KALRN: variants seen among roughly 807,000 people sequenced by gnomAD.
KALRN encodes the protein kalirin.
Under a neutral mutation model 353.7 loss-of-function variants are expected in KALRN, and 70 were observed. The ratio of observed to expected loss-of-function variants is 0.20; its 90% CI spans 0.16 to 0.24. The LOEUF (loss-of-function observed/expected upper bound fraction) is 0.24. KALRN is among the 10% of genes least tolerant of loss of function. The pLI is 1.00. For missense variants in KALRN, 2,791 were observed against 3,756.7 expected (o/e 0.74, Z 6.72); for synonymous variants, 1,391 against 1,434.8 (o/e 0.97, Z 0.69).
In KALRN at chr3:124,070,507, A is replaced by C. The variant is rs1227135856; in HGVS notation, c.73+36694A>C. Among the ~76,000 whole-genome samples the C allele has an allele frequency of 4.6e-5, 7 of 152,072 alleles. 1 individual carries two copies. The highest frequency in any genetic ancestry group is 1.7e-4 in the African/African-American group (7 of 41,400). On this transcript the variant is annotated intron_variant, in intron 1 of 59. Coordinates refer to ENST00000682506, the MANE Select transcript of KALRN (RefSeq NM_001388419.1). ...ATGTCCCACTACCTGTGGGGAAGAG[A>C]TCTTCTATGACATCACCCTGTTTCC...
At chr3:124,395,073 C>T (rs1430055219) in intron 11 of KALRN, 62 bp from the exon 12 acceptor site, 8 of 1,365,354 alleles carry the variant, frequency 5.9e-6, no homozygotes, top group African/African-American at 1.4e-5. Flanking sequence ...GCTTCCTTGC[C>T]CTCACCCCAG....
intron 51 of KALRN, among the ~76,000 whole-genome samples, chr3:124,692,004 T>G (rs912034683): frequency 2.6e-5 from 4 of 152,210 alleles, no homozygotes; most frequent in African/African-American, 9.7e-5. Context: ...AGTTGGTTTA[T>G]CCAAGATCAG....
At chr3:124,613,200 TA>T (rs11353138) in intron 34 of KALRN, among the ~76,000 whole-genome samples, 111,186 of 151,544 alleles carry the variant, frequency 0.73, 41,537 homozygotes, top group African/African-American at 0.87. Flanking sequence ...TTGCCTCCTT[TA>T]AAAAAAAAAT....
chr3:124,605,953 T>TGCATCTCTTC, intron 34 of KALRN, among the ~76,000 whole-genome samples: 1 of 152,334 alleles, frequency 6.6e-6, no homozygotes, highest in East Asian at 1.9e-4. Flanking sequence ...CGCAGCTTTT[T>TGCATCTCTTC]GCATCTCTTC....
At position 124,516,904 on chromosome 3, in the gene KALRN, G is replaced by A. The variant is rs1272702527; in HGVS notation, c.4935+20491G>A. ...GCAATCTCGGCTCACTGCAACCTCCGCCTCCCAGGTTCAAGTGATTCTCCT... is the reference window on the plus strand; with the variant it reads ...GCAATCTCGGCTCACTGCAACCTCCACCTCCCAGGTTCAAGTGATTCTCCT... On this transcript the variant is annotated intron_variant, in intron 33 of 59. Coordinates refer to ENST00000682506, the MANE Select transcript of KALRN (RefSeq NM_001388419.1). Among the ~76,000 whole-genome samples, 4 of 151,896 alleles carry A rather than the reference G, an allele frequency of 2.6e-5. No homozygotes were observed. In the East Asian group the frequency reaches 5.8e-4, roughly 22 times the overall value.
chr3:124,489,161 G>A (rs1432000050), intron 29 of KALRN, among the ~76,000 whole-genome samples: 3 of 152,092 alleles, frequency 2.0e-5, no homozygotes, highest in Non-Finnish European at 2.9e-5. Flanking sequence ...ACAAAAATTA[G>A]CCAGGGGTGG....
At chr3:124,081,778 AAC>A (rs2060555255) in intron 1 of KALRN, among the ~76,000 whole-genome samples, 2 of 152,190 alleles carry the variant, frequency 1.3e-5, no homozygotes, top group South Asian at 4.2e-4. Context: ...GCAAACAAAA[AAC>A]AACTTCAAAA....
At chr3:124,094,509 T>A (rs1182725557) in intron 1 of KALRN, among the ~76,000 whole-genome samples, 1 of 152,220 alleles carries the variant, frequency 6.6e-6, no homozygotes, top group Non-Finnish European at 1.5e-5. Flanking sequence ...GACTGTGGAT[T>A]TTCATTCTCA....
At chr3:124,323,484 G>A (rs909547285) in intron 6 of KALRN, among the ~76,000 whole-genome samples, 4 of 152,130 alleles carry the variant, frequency 2.6e-5, no homozygotes, top group Non-Finnish European at 2.9e-5. Flanking sequence ...CCCACTCTCC[G>A]TAAATATTTG....
intron 1 of KALRN, among the ~76,000 whole-genome samples, chr3:124,223,754 G>A (rs989772742): frequency 1.3e-5 from 2 of 152,186 alleles, no homozygotes; most frequent in African/African-American, 4.8e-5. Context: ...GACAGGGCTG[G>A]GGGGCTCAAG....
intron 45 of KALRN, 104 bp downstream of exon 45, chr3:124,662,032 C>A: frequency 1.1e-6 from 1 of 877,058 alleles, no homozygotes; most frequent in Non-Finnish European, 1.9e-6. Flanking sequence ...CCTGTGCCTC[C>A]TTCACTCACC....
intron 2 of KALRN, among the ~76,000 whole-genome samples, chr3:124,229,928 C>T (rs759879916): frequency 4.6e-5 from 7 of 152,218 alleles, no homozygotes; most frequent in Non-Finnish European, 8.8e-5. Flanking sequence ...AGATGTTGAA[C>T]AGGCAGAACA....
chr3:124,156,052 A>G (rs1486140315), intron 1 of KALRN, among the ~76,000 whole-genome samples: 9 of 152,202 alleles, frequency 5.9e-5, no homozygotes, highest in African/African-American at 2.2e-4. Context: ...ACTATGGAGA[A>G]CATCAACTCT....
At chr3:124,621,840 C>T (rs2079305773) in intron 34 of KALRN, among the ~76,000 whole-genome samples, 1 of 152,162 alleles carries the variant, frequency 6.6e-6, no homozygotes, top group Non-Finnish European at 1.5e-5. Flanking sequence ...TTATTGTACA[C>T]CATGCAGGAC....
In KALRN at chr3:124,300,983, T is replaced by A. The variant is rs987876355; in HGVS notation, c.1092+2070T>A. 4.6e-5 allele frequency among the ~76,000 whole-genome samples: 7 copies of A among 152,238 alleles called. No homozygotes were observed. In the South Asian group the frequency reaches 6.2e-4, roughly 14 times the overall value. ...GAACTCAAATCTAGTCAAGTCTGAT[T>A]ATTTGTGTGCCTTGTGGATTTTCCC... On this transcript the variant is annotated intron_variant, in intron 6 of 59. Coordinates refer to ENST00000682506, the MANE Select transcript of KALRN (RefSeq NM_001388419.1).
chr3:124,334,413 G>A lies in KALRN; in HGVS notation c.1565G>A (p.Arg522Gln), dbSNP rs35057827. The stretch of plus-strand genomic sequence containing the variant: ...CATGAGGTGTTACATCACCAGCGAC[G>A]GCTGGAGAGCATCTGGCAGCACCGC... The part of the protein sequence containing the change: ...VVHEVLHHQR[R>Q]LESIWQHRKV... Residue 522 changes from arginine to glutamine, a missense_variant, in exon 9 of 60, where the codon CGG (arginine) becomes CAG (glutamine). This residue lies in a region of KALRN where 366 missense variants were observed against 489.2 expected (regional missense o/e 0.75). Coordinates refer to ENST00000682506, the MANE Select transcript of KALRN (RefSeq NM_001388419.1). This position sits in a 1 kb window ranked among gnomAD's most constrained non-coding sequence, Gnocchi z 4.2. 4.6e-4 allele frequency: 740 copies of A among 1,614,208 alleles called. 3 individuals carry two copies. Among genetic ancestry groups the A allele is most frequent in the Admixed American group, 6.8e-4 (41 of 60,032 alleles).
chr3:124,234,700 A>T, intron 2 of KALRN, 129 bp from the exon 3 acceptor site: 1 of 691,336 alleles, frequency 1.4e-6, no homozygotes, highest in Non-Finnish European at 2.5e-6. Flanking sequence ...TGTCCTAAGC[A>T]GTGACCAGAT....
At chr3:124,294,664 A>G (rs956169927) in intron 5 of KALRN, among the ~76,000 whole-genome samples, 3 of 151,414 alleles carry the variant, frequency 2.0e-5, no homozygotes, top group African/African-American at 4.9e-5. Context: ...AGCTGGGATT[A>G]CAGGCACCCA....
chr3:124,408,455 C>G (rs2091816369), intron 13 of KALRN, among the ~76,000 whole-genome samples: 1 of 152,176 alleles, frequency 6.6e-6, no homozygotes, highest in African/African-American at 2.4e-5. Context: ...AGCTCTGAGA[C>G]CATGGGAGAA....
Sources: gnomAD v4.1 joint callset for allele counts (sites outside exome capture counted in the v4.1 genomes callset) on GRCh38, gnomAD v4.1.1 for gene constraint, gnomAD v4.1.1 regional missense constraint, Gnocchi (gnomAD v3.1) non-coding constraint, MANE v1.5 for transcripts, NCBI Gene and HGNC (gene_info 2026-07-23, HGNC 2026-07-21) for gene names.